The following LRBA variants were observed in gnomAD, a reference collection of about 807,000 sequenced individuals.
LRBA encodes lipopolysaccharide-responsive and beige-like anchor protein.
LRBA carries 176 observed loss-of-function variants against 330.0 expected under a neutral mutation model. The ratio of observed to expected loss-of-function variants is 0.53; its 90% CI spans 0.47 to 0.60. The LOEUF (loss-of-function observed/expected upper bound fraction) is 0.60, where lower values mean the gene tolerates loss of function less well. Ranked by LOEUF, LRBA falls within the 20% of genes least tolerant of loss-of-function variation. The pLI is 0.00. For missense variants in LRBA, 3,259 were observed against 3,444.8 expected (o/e 0.95, Z 1.35); for synonymous variants, 1,230 against 1,193.0 (o/e 1.03, Z -0.64).
At chr4:150,858,700 G>A (rs1038195824) in intron 22 of LRBA, among the ~76,000 whole-genome samples, 2 of 152,048 alleles carry the variant, frequency 1.3e-5, no homozygotes, top group Admixed American at 6.6e-5. Context: ...GCTAATTTTT[G>A]TATTTTTAGT....
At chr4:150,979,653 CTTT>C (rs1306153445) in intron 2 of LRBA, among the ~76,000 whole-genome samples, 1 of 151,320 alleles carries the variant, frequency 6.6e-6, no homozygotes, top group Non-Finnish European at 1.5e-5. Flanking sequence ...CTTTTTGCTT[CTTT>C]GTTTAAGCAA....
At chr4:150,918,721 C>A (rs1446490133) in intron 5 of LRBA, among the ~76,000 whole-genome samples, 2 of 152,190 alleles carry the variant, frequency 1.3e-5, no homozygotes, top group African/African-American at 4.8e-5. Context: ...TGCATTCCAG[C>A]CTGGGTGACA....
Position 150,929,017 on chromosome 4 carries a change from C to T in LRBA, c.265G>A (p.Gly89Ser). The change falls in exon 3 of 57, where the codon GGT becomes AGT. Residue 89 changes from glycine (G) to serine (S), a missense_variant. Coordinates refer to ENST00000651943, the MANE Select transcript of LRBA (RefSeq NM_001364905.1). Reference sequence around the variant, plus strand: ...TCCACCATGCAGTTAATACTCTCACCTTCTTGGATAATGAAATTCATTTCC... The same window carrying T: ...TCCACCATGCAGTTAATACTCTCACTTTCTTGGATAATGAAATTCATTTCC... ...DLEMNFIIQE[G>S]ESINCMVDLL... is the part of the protein sequence containing the mutation. 1 of 1,613,442 alleles carries T rather than the reference C, an allele frequency of 6.2e-7. No homozygotes were observed. Among genetic ancestry groups the T allele is most frequent in the Non-Finnish European group, 8.5e-7 (1 of 1,179,864 alleles).
chr4:150,572,067 T>C (rs1769937180), intron 40 of LRBA, among the ~76,000 whole-genome samples: 1 of 152,080 alleles, frequency 6.6e-6, no homozygotes, highest in South Asian at 2.1e-4. Flanking sequence ...TCAAAACATG[T>C]AACACTTTTG....
chr4:151,011,992 T>G (rs956573880), intron 2 of LRBA, among the ~76,000 whole-genome samples: 1 of 152,050 alleles, frequency 6.6e-6, no homozygotes, highest in Admixed American at 6.6e-5. Flanking sequence ...TTTTCTAGAG[T>G]GGCCAAAACC....
intron 17 of LRBA, among the ~76,000 whole-genome samples, chr4:150,873,005 G>A (rs990642415): frequency 2.0e-5 from 3 of 152,224 alleles, no homozygotes; most frequent in East Asian, 1.9e-4. Context: ...TATATGTAAC[G>A]TGTGTATCAA....
chr4:150,808,835 T>C (rs1743183910), intron 31 of LRBA, among the ~76,000 whole-genome samples: 1 of 152,246 alleles, frequency 6.6e-6, no homozygotes, highest in Non-Finnish European at 1.5e-5. Context: ...ACTAAAGGAC[T>C]AAATTGTAGC....
chr4:150,964,053 C>T lies in LRBA; in HGVS notation c.217-34988G>A, dbSNP rs955767427. ...CCGCCCCATCTGAGAAGTGATGAGC[C>T]CCTCCGCCCGGCAGCCTCCCCGTCC... is the stretch of plus-strand genomic sequence containing the variant. On this transcript the variant is annotated intron_variant, in intron 2 of 56. Transcript: ENST00000651943. 2.8e-5 allele frequency among the ~76,000 whole-genome samples: 4 copies of T among 144,758 alleles called. 1 individual carries two copies. The highest frequency in any genetic ancestry group is 1.1e-4 in the African/African-American group (4 of 36,408). 95.0% of individuals were successfully genotyped at this position (144,758 alleles called of 152,430 possible). A position where few individuals can be genotyped will look rare whatever the true frequency, so the allele number is the denominator to read the frequency against.
At chr4:150,977,996 C>T (rs1740393028) in intron 2 of LRBA, among the ~76,000 whole-genome samples, 2 of 152,256 alleles carry the variant, frequency 1.3e-5, no homozygotes, top group South Asian at 2.1e-4. Flanking sequence ...GCCTTACTGG[C>T]TTCGCCAACT....
chr4:150,588,556 G>A (rs1315799317), intron 39 of LRBA, among the ~76,000 whole-genome samples: 1 of 152,166 alleles, frequency 6.6e-6, no homozygotes, highest in East Asian at 1.9e-4. Flanking sequence ...ACAACCAGGA[G>A]CAAAGAAGCC....
At chr4:150,470,148 A>G (rs1035125813) in intron 43 of LRBA, among the ~76,000 whole-genome samples, 1 of 152,114 alleles carries the variant, frequency 6.6e-6, no homozygotes, top group South Asian at 2.1e-4. Flanking sequence ...GTGCCATTGC[A>G]CTCCAGCCTG....
intron 2 of LRBA, among the ~76,000 whole-genome samples, chr4:150,998,614 CAA>C (rs1194513578): frequency 6.6e-6 from 1 of 152,080 alleles, no homozygotes; most frequent in Admixed American, 6.6e-5. Context: ...CTGAGCCTCC[CAA>C]AGTGTCGGGA....
chr4:150,266,332 G>A (rs952221551), intron 56 of LRBA, among the ~76,000 whole-genome samples: 1 of 152,208 alleles, frequency 6.6e-6, no homozygotes, highest in African/African-American at 2.4e-5. Flanking sequence ...TCTCCCCTCT[G>A]TGGAGAAGTA....
chr4:150,546,597 T>A lies in LRBA; in HGVS notation c.6330+41451A>T, dbSNP rs560643879. Among the ~76,000 whole-genome samples the A allele has an allele frequency of 3.3e-5, 5 of 152,328 alleles. No homozygotes were observed. In the South Asian group the frequency reaches 1.0e-3, roughly 32 times the overall value. On this transcript the variant is annotated intron_variant, in intron 40 of 56. Transcript: ENST00000651943. ...TGGATTTACAAAAATACCAGAGTGG[T>A]CTTGGGGTTAATTGGAAGATAAGTG...
chr4:150,372,857 C>T (rs1246969726), intron 47 of LRBA, among the ~76,000 whole-genome samples: 12 of 150,768 alleles, frequency 8.0e-5, no homozygotes, highest in Admixed American at 6.6e-4. Flanking sequence ...CCTGTGTAAG[C>T]AATAAGATAG....
At chr4:150,414,523 C>CTG (rs1747453635) in intron 47 of LRBA, among the ~76,000 whole-genome samples, 1 of 152,028 alleles carries the variant, frequency 6.6e-6, no homozygotes, top group South Asian at 2.1e-4. Context: ...CAGAGTTTCA[C>CTG]TGTGTCACCC....
intron 2 of LRBA, among the ~76,000 whole-genome samples, chr4:150,988,979 G>A (rs188625510): frequency 6.8e-4 from 103 of 151,990 alleles, no homozygotes; most frequent in Non-Finnish European, 9.1e-4. Context: ...TTAATTAAGT[G>A]CCTATAAAGT....
At chr4:150,454,992 T>C (rs924201805) in intron 44 of LRBA, among the ~76,000 whole-genome samples, 5 of 150,704 alleles carry the variant, frequency 3.3e-5, no homozygotes, top group Non-Finnish European at 5.9e-5. Context: ...TTTTTTATTA[T>C]AGTTTAAGTT....
chr4:150,908,705 G>A lies in LRBA; in HGVS notation c.1314C>T (p.Asp438=). 3 of 1,613,988 alleles carry A rather than the reference G, an allele frequency of 1.9e-6. No homozygotes were observed. Among genetic ancestry groups the A allele is most frequent in the Non-Finnish European group, 2.5e-6 (3 of 1,179,894 alleles). ...GTGAATGAACAAAAATTGAAGGGTT[G>A]TCCTTAGGAGATGATTCAAGACAAA... ...AQLCLESSPK[D]NPSIFVHSPH... The change falls in exon 10 of 57, where the codon GAC becomes GAT. Residue 438 remains aspartate, a synonymous_variant. Transcript: ENST00000651943.
Sources: allele counts gnomAD v4.1 joint callset (sites outside exome capture counted in the v4.1 genomes callset), GRCh38; gene constraint gnomAD v4.1.1; transcripts MANE v1.5; gene names NCBI Gene and HGNC (gene_info 2026-07-23, HGNC 2026-07-21).